The following APOOL variants were observed in gnomAD, a reference collection of about 807,000 sequenced individuals.
APOOL encodes the protein apolipoprotein O like, also known as MICOS complex subunit MIC27.
A neutral mutation model predicts 23.1 loss-of-function variants in APOOL; 12 were observed. The observed-to-expected ratio is 0.52, with a 90% confidence interval of 0.33 to 0.84. The LOEUF is 0.84. Among genes scored for constraint, APOOL ranks in the 40% least tolerant of loss-of-function variants. The probability of loss-of-function intolerance (pLI) is 0.02; values close to 1 mark genes in which losing one functional copy is unlikely to be tolerated. For synonymous variants in APOOL, 77 were observed against 69.9 expected (o/e 1.10, Z -0.51); for missense variants, 212 against 199.6 (o/e 1.06, Z -0.37).
rs2147657825 is a variant in APOOL, at chrX:85,067,151, A to G, written c.419A>G (p.Tyr140Cys). 1 of 1,157,331 alleles carries G rather than the reference A, an allele frequency of 8.6e-7. No individual in the cohort carries two copies. Among genetic ancestry groups the G allele is most frequent in the Non-Finnish European group, 1.2e-6 (1 of 865,514 alleles). The change falls in exon 6 of 9, where the codon TAT becomes TGT. Residue 140 changes from tyrosine (Y) to cysteine (C), a missense_variant. Transcript: ENST00000373173. ...GGTTCCAAGTTTAAGAAAATTACTTATCCTCTGGGACTGGCCACTTTAGGA... is the reference window on the plus strand; with the variant it reads ...GGTTCCAAGTTTAAGAAAATTACTTGTCCTCTGGGACTGGCCACTTTAGGA... ...RKGSKFKKIT[Y>C]PLGLATLGAT...
intron 6 of APOOL, among the ~76,000 whole-genome samples, chrX:85,073,127 ATTAC>A (rs1230254721): frequency 1.3e-4 from 15 of 111,675 alleles, no homozygotes; most frequent in African/African-American, 4.2e-4. Flanking sequence ...ATATTAGTAT[ATTAC>A]TTAACTTTTC....
chrX:85,022,756 G>T (rs764862605), intron 1 of APOOL, among the ~76,000 whole-genome samples: 1 of 111,660 alleles, frequency 9.0e-6, no homozygotes, highest in African/African-American at 3.3e-5. Flanking sequence ...TTAGGCAAGA[G>T]AAAGAAATAA....
intron 1 of APOOL, among the ~76,000 whole-genome samples, chrX:85,018,379 C>A (rs1487063211): frequency 9.1e-6 from 1 of 110,471 alleles, no homozygotes; most frequent in Admixed American, 9.6e-5. Context: ...TTTTAAACAA[C>A]CAGATCTTGC....
chrX:85,061,603 G>T (rs1298921908), intron 5 of APOOL, among the ~76,000 whole-genome samples: 2 of 111,676 alleles, frequency 1.8e-5, no homozygotes, highest in Non-Finnish European at 3.8e-5. Context: ...TCCTGGTTTA[G>T]TCTTGGGAAG....
At chrX:85,078,577 T>A (rs903984337) in intron 8 of APOOL, among the ~76,000 whole-genome samples, 15 of 111,567 alleles carry the variant, frequency 1.3e-4, no homozygotes, top group Middle Eastern at 9.2e-3. Flanking sequence ...ATGCGGGCTC[T>A]TTTTTGGTTC....
chrX:85,062,397 C>T (rs1923264905), intron 5 of APOOL, among the ~76,000 whole-genome samples: 2 of 111,246 alleles, frequency 1.8e-5, no homozygotes. Flanking sequence ...TCAATTTTTG[C>T]TTTTGTTGTG....
chrX:85,085,886 T>C (rs1367113235), intron 8 of APOOL, among the ~76,000 whole-genome samples: 1 of 112,078 alleles, frequency 8.9e-6, no homozygotes, highest in East Asian at 2.8e-4. Context: ...GAGCCTGGGT[T>C]GTTATGTTGT....
At chrX:85,033,381 TTAG>T (rs1223368210) in intron 1 of APOOL, among the ~76,000 whole-genome samples, 1 of 112,070 alleles carries the variant, frequency 8.9e-6, no homozygotes, top group Non-Finnish European at 1.9e-5. Context: ...CTCCTTTCTC[TTAG>T]TATTCTTAAT....
chrX:85,025,314 A>G (rs1921802448), intron 1 of APOOL, among the ~76,000 whole-genome samples: 1 of 111,908 alleles, frequency 8.9e-6, no homozygotes, highest in Non-Finnish European at 1.9e-5. Context: ...CGCATTCAGC[A>G]TTGGGGATTG....
At chrX:85,065,477 G>A (rs1923423044) in intron 5 of APOOL, among the ~76,000 whole-genome samples, 2 of 111,658 alleles carry the variant, frequency 1.8e-5, no homozygotes, top group Admixed American at 1.9e-4. Flanking sequence ...TAGTGTCATT[G>A]GTCTGTGTAC....
At chrX:85,059,276 G>T (rs777127258) in intron 5 of APOOL, among the ~76,000 whole-genome samples, 76 of 106,492 alleles carry the variant, frequency 7.1e-4, no homozygotes, top group African/African-American at 2.6e-3. Context: ...CCAGTCTATC[G>T]TTGTTGGACA....
At chrX:85,035,969 T>G (rs758114177) in intron 1 of APOOL, among the ~76,000 whole-genome samples, 1 of 112,586 alleles carries the variant, frequency 8.9e-6, no homozygotes, top group African/African-American at 3.2e-5. Context: ...GGGCTTGTTT[T>G]TGATTCCATA....
chrX:85,071,811 C>T (rs1426485240), intron 6 of APOOL, among the ~76,000 whole-genome samples: 3 of 111,997 alleles, frequency 2.7e-5, no homozygotes, highest in African/African-American at 9.7e-5. Context: ...TTAAGAACTC[C>T]TGGCCAGGCG....
At chrX:85,060,574 T>A (rs775811303) in intron 5 of APOOL, among the ~76,000 whole-genome samples, 1 of 110,668 alleles carries the variant, frequency 9.0e-6, no homozygotes, top group African/African-American at 3.3e-5. Flanking sequence ...GTTTGTAGTT[T>A]TCCTTGAAGA....
chrX:85,054,809 A>G (rs979881321), intron 4 of APOOL, among the ~76,000 whole-genome samples: 2 of 111,554 alleles, frequency 1.8e-5, no homozygotes, highest in Non-Finnish European at 1.9e-5. Flanking sequence ...TATATTATAT[A>G]TCATAAAGCA....
intron 8 of APOOL, among the ~76,000 whole-genome samples, chrX:85,084,148 T>A (rs1480088259): frequency 9.8e-6 from 1 of 101,696 alleles, no homozygotes; most frequent in African/African-American, 3.6e-5. Context: ...TTTTTTTTTT[T>A]TTTTTGAGAT....
rs1265208330 is a variant in APOOL at position 85,091,537 on chromosome X, G to A, written c.*3859G>A. ...CCCATGAAGTGCCTGGTAGGTAGTA[G>A]GAACTCACACGTTCTGCTATGCTGG... is the stretch of plus-strand genomic sequence containing the variant. On this transcript the variant is annotated 3_prime_UTR_variant, in exon 9 of 9. Transcript: ENST00000373173. The A allele has an allele frequency of 8.9e-6, 1 of 112,011 alleles. No individual in the cohort carries two copies. The highest frequency in any genetic ancestry group is 1.9e-5 in the Non-Finnish European group (1 of 53,202). 9.2% of individuals were successfully genotyped at this position (112,011 alleles called of 1,213,427 possible).
intron 8 of APOOL, among the ~76,000 whole-genome samples, chrX:85,082,395 C>T (rs747647631): frequency 1.8e-5 from 2 of 110,702 alleles, no homozygotes; most frequent in East Asian, 2.9e-4. Context: ...CACTCCAGAC[C>T]GTGTTTGCTT....
At chrX:85,004,027 G>A in intron 1 of APOOL, 100 bp downstream of exon 1, 2 of 1,048,224 alleles carry the variant, frequency 1.9e-6, no homozygotes, top group Non-Finnish European at 2.7e-6. Flanking sequence ...CTGAAACAAG[G>A]GGCAGGGTGG....
Sources: gnomAD v4.1 joint callset for allele counts (sites outside exome capture counted in the v4.1 genomes callset) on GRCh38, gnomAD v4.1.1 for gene constraint, MANE v1.5 for transcripts, NCBI Gene and HGNC (gene_info 2026-07-23, HGNC 2026-07-21) for gene names.